MSRB3: variants seen among roughly 807,000 people sequenced by gnomAD.
MSRB3 encodes methionine sulfoxide reductase B3.
A neutral mutation model predicts 21.0 loss-of-function variants in MSRB3; 13 were observed. That is an observed-to-expected ratio of 0.62 (90% confidence interval 0.40 to 0.98). The LOEUF is 0.98. Among genes scored for constraint, MSRB3 ranks in the 50% least tolerant of loss-of-function variants. The pLI is 0.00. For synonymous variants in MSRB3, 87 were observed against 88.6 expected (o/e 0.98, Z 0.10); for missense variants, 199 against 230.3 (o/e 0.86, Z 0.88).
At chr12:65,342,538 T>C (rs989300661) in intron 4 of MSRB3, among the ~76,000 whole-genome samples, 4 of 152,012 alleles carry the variant, frequency 2.6e-5, no homozygotes, top group African/African-American at 7.2e-5. Context: ...AGAGTGTGAA[T>C]TGGTAGTACC....
intron 5 of MSRB3, among the ~76,000 whole-genome samples, chr12:65,376,310 G>C (rs1038478494): frequency 7.9e-5 from 12 of 151,910 alleles, no homozygotes; most frequent in Non-Finnish European, 1.6e-4. Context: ...TAGTAGAGAC[G>C]GGGTTTCACC....
At chr12:65,445,537 T>C (rs1318645044) in intron 5 of MSRB3, among the ~76,000 whole-genome samples, 3 of 151,752 alleles carry the variant, frequency 2.0e-5, no homozygotes, top group Non-Finnish European at 2.9e-5. Context: ...GAATAGTATA[T>C]TGTATTTAAA....
chr12:65,449,691 T>G (rs1336866522), intron 5 of MSRB3, among the ~76,000 whole-genome samples: 4 of 152,224 alleles, frequency 2.6e-5, no homozygotes, highest in African/African-American at 2.4e-5. Flanking sequence ...ATGAGTAGTT[T>G]CTGCTGGGTT....
At chr12:65,283,617 G>A (rs982230851) in intron 1 of MSRB3, 1 of 152,152 alleles carries the variant, frequency 6.6e-6, no homozygotes, top group African/African-American at 2.4e-5. Context: ...TTTTTTTGTA[G>A]AGATGGGGTT....
At chr12:65,372,836 T>C (rs1878398325) in intron 5 of MSRB3, among the ~76,000 whole-genome samples, 1 of 152,144 alleles carries the variant, frequency 6.6e-6, no homozygotes, top group Admixed American at 6.5e-5. Context: ...ATAAAAGAAC[T>C]TACTGGCTTT....
intron 4 of MSRB3, among the ~76,000 whole-genome samples, chr12:65,351,787 C>A (rs1410735791): frequency 2.0e-5 from 3 of 151,668 alleles, no homozygotes; most frequent in Non-Finnish European, 4.4e-5. Flanking sequence ...TCTGAATAGA[C>A]CAATAATAGG....
At chr12:65,451,912 C>T (rs950450288) in intron 5 of MSRB3, among the ~76,000 whole-genome samples, 1 of 152,116 alleles carries the variant, frequency 6.6e-6, no homozygotes. Flanking sequence ...AATGAGAATA[C>T]TCAGGTCAAT....
chr12:65,445,076 T>A (rs1427398080), intron 5 of MSRB3, among the ~76,000 whole-genome samples: 1 of 152,182 alleles, frequency 6.6e-6, no homozygotes, highest in Admixed American at 6.5e-5. Flanking sequence ...TGTTATTTTC[T>A]CTGTAAAAAT....
intron 5 of MSRB3, among the ~76,000 whole-genome samples, chr12:65,410,900 T>C (rs965373108): frequency 3.3e-5 from 5 of 152,178 alleles, no homozygotes; most frequent in African/African-American, 2.4e-5. Context: ...AATTAATGAA[T>C]ATGTAAGTTA....
chr12:65,461,637 A>G (rs1410329506), intron 6 of MSRB3, among the ~76,000 whole-genome samples: 3 of 152,198 alleles, frequency 2.0e-5, no homozygotes, highest in Non-Finnish European at 1.5e-5. Context: ...CTAAGATTCT[A>G]GTGCTTTTCA....
rs1344906337 is a variant in MSRB3 at position 65,320,757 on chromosome 12, G to T, written c.77-6069G>T. Among the ~76,000 whole-genome samples, 4 of 152,160 alleles carry T rather than the reference G, an allele frequency of 2.6e-5. No individual in the cohort carries two copies. The East Asian group carries it at 7.7e-4, about 29-fold the overall frequency. ...AAACTTTCTCTTGGAAGTAAAAAAA[G>T]GTAATGCTAAACAATGCCTGTATTA... On this transcript the variant is annotated intron_variant, in intron 2 of 6. Coordinates refer to ENST00000308259, the MANE Select transcript of MSRB3 (RefSeq NM_001031679.3).
At chr12:65,427,592 C>T (rs2136656869) in intron 5 of MSRB3, among the ~76,000 whole-genome samples, 1 of 152,248 alleles carries the variant, frequency 6.6e-6, no homozygotes, top group South Asian at 2.1e-4. Context: ...GCCCATGGAG[C>T]AGCCATGGAG....
At chr12:65,425,048 T>TATATAAATATATATAAATA in intron 5 of MSRB3, among the ~76,000 whole-genome samples, 1 of 64,560 alleles carries the variant, frequency 1.5e-5, no homozygotes, top group African/African-American at 5.7e-5. Context: ...TATATGTATA[T>TATATAAATATATATAAATA]TATATATATT....
chr12:65,398,070 C>T lies in MSRB3; in HGVS notation c.292+29044C>T, dbSNP rs559217375. Among the ~76,000 whole-genome samples the T allele has an allele frequency of 1.8e-4, 27 of 152,232 alleles. 1 individual carries two copies. Among genetic ancestry groups the T allele is most frequent in the African/African-American group, 5.5e-4 (23 of 41,558 alleles). ...TGTGAACAGTGCTGCAATAAACATACGTGTACATATGTCTTTATAGTAGAA... is the reference window on the plus strand; with the variant it reads ...TGTGAACAGTGCTGCAATAAACATATGTGTACATATGTCTTTATAGTAGAA... On this transcript the variant is annotated intron_variant, in intron 5 of 6. Transcript: ENST00000308259.
At chr12:65,358,031 GA>G (rs1235541945) in intron 4 of MSRB3, among the ~76,000 whole-genome samples, 1 of 151,908 alleles carries the variant, frequency 6.6e-6, no homozygotes, top group Non-Finnish European at 1.5e-5. Flanking sequence ...CCCCATCCTT[GA>G]AGGCAGAGTA....
In MSRB3 at chr12:65,352,998, G is replaced by A. The variant is rs141109554; in HGVS notation, c.264-16000G>A. Among the ~76,000 whole-genome samples the A allele has an allele frequency of 5.4e-3, 827 of 151,886 alleles. 5 individuals are homozygous for A. Among genetic ancestry groups the A allele is most frequent in the African/African-American group, 0.019 (774 of 41,440 alleles). ...TCATATGGAACCAAAAAAAAAGCCCGCATCGCCAAGGCAATCCTAAGCCAA... is the reference window on the plus strand; with the variant it reads ...TCATATGGAACCAAAAAAAAAGCCCACATCGCCAAGGCAATCCTAAGCCAA... On this transcript the variant is annotated intron_variant, in intron 4 of 6. Coordinates refer to ENST00000308259, the MANE Select transcript of MSRB3 (RefSeq NM_001031679.3).
chr12:65,462,862 T>G (rs1424090341), intron 6 of MSRB3, among the ~76,000 whole-genome samples: 1 of 152,268 alleles, frequency 6.6e-6, no homozygotes, highest in South Asian at 2.1e-4. Flanking sequence ...ACTTGATTCA[T>G]AAAATTACTG....
At chr12:65,317,614 G>A (rs1041728260) in intron 2 of MSRB3, among the ~76,000 whole-genome samples, 1 of 152,082 alleles carries the variant, frequency 6.6e-6, no homozygotes, top group African/African-American at 2.4e-5. Flanking sequence ...GCTGGATCAG[G>A]TAATCTTATA....
At chr12:65,443,975 T>C (rs1882500795) in intron 5 of MSRB3, among the ~76,000 whole-genome samples, 1 of 152,208 alleles carries the variant, frequency 6.6e-6, no homozygotes, top group Admixed American at 6.5e-5. Flanking sequence ...GTAAATATAA[T>C]GTAAATAATG....
Sources: gnomAD v4.1 joint callset for allele counts (sites outside exome capture counted in the v4.1 genomes callset) on GRCh38, gnomAD v4.1.1 for gene constraint, MANE v1.5 for transcripts, NCBI Gene and HGNC (gene_info 2026-07-23, HGNC 2026-07-21) for gene names.